The following CERS3 variants were observed in gnomAD, a reference collection of about 807,000 sequenced individuals.
CERS3 encodes the protein LAG1 homolog, ceramide synthase 3.
CERS3 carries 33 observed loss-of-function variants against 50.3 expected under a neutral mutation model. The observed-to-expected ratio is 0.66, with a 90% CI of 0.50 to 0.88. CERS3 has a LOEUF of 0.88. Ranked by LOEUF, CERS3 falls within the 40% of genes least tolerant of loss-of-function variation. The probability of loss-of-function intolerance (pLI) is 0.00; values close to 1 mark genes in which losing one functional copy is unlikely to be tolerated. For missense variants in CERS3, 470 were observed against 460.3 expected, an observed-to-expected ratio of 1.02 and a Z score of -0.19; for synonymous variants, 176 against 155.2, an observed-to-expected ratio of 1.13 and a Z score of -0.99.
intron 5 of CERS3, among the ~76,000 whole-genome samples, chr15:100,483,080 A>C (rs1369947639): frequency 6.6e-6 from 1 of 152,228 alleles, no homozygotes; most frequent in Non-Finnish European, 1.5e-5. Context: ...ACTTGAAAAT[A>C]CTGCCTCAAA....
In CERS3 at chr15:100,543,404, C is replaced by T. The variant is rs1188112599; in HGVS notation, c.-355+1247G>A. ...ATTTCAGGTGATTTAAAAACATTTTCTAATGAGAGTTTTGAAATTGAGGGT... is the reference window on the plus strand; with the variant it reads ...ATTTCAGGTGATTTAAAAACATTTTTTAATGAGAGTTTTGAAATTGAGGGT... On this transcript the variant is annotated intron_variant, in intron 1 of 12. Coordinates refer to the CERS3 transcript ENST00000284382. Among the ~76,000 whole-genome samples the T allele has an allele frequency of 2.6e-5, 4 of 152,182 alleles. No individual in the cohort carries two copies. In the East Asian group the frequency reaches 5.8e-4, roughly 22 times the overall value.
At chr15:100,451,661 C>T (rs973222435) in intron 11 of CERS3, among the ~76,000 whole-genome samples, 3 of 151,988 alleles carry the variant, frequency 2.0e-5, no homozygotes, top group Admixed American at 6.6e-5. Context: ...GAGCCAAGAT[C>T]GTGCCTCTGC....
chr15:100,542,101 A>C lies in CERS3; in HGVS notation c.-355+2550T>G, dbSNP rs146571829. 2.1e-3 allele frequency among the ~76,000 whole-genome samples: 322 copies of C among 152,344 alleles called. 3 individuals carry two copies. The highest frequency in any genetic ancestry group is 7.3e-3 in the African/African-American group (305 of 41,582). On this transcript the variant is annotated intron_variant, in intron 1 of 12. Transcript: ENST00000284382. ...TAGAAAATATAAAACTAATTATTAC[A>C]ATAAGCATTAAGTGCTTCAACCTTT...
upstream of CERS3, among the ~76,000 whole-genome samples, chr15:100,532,513 C>T (rs2036961529): frequency 1.3e-5 from 2 of 152,106 alleles, no homozygotes; most frequent in African/African-American, 4.8e-5. Flanking sequence ...TGCCTGTAAT[C>T]CCAGCACTTT....
chr15:100,535,001 A>C (rs1286100151), intron 1 of CERS3, among the ~76,000 whole-genome samples: 2 of 152,068 alleles, frequency 1.3e-5, no homozygotes, highest in African/African-American at 4.8e-5. Flanking sequence ...GAACCAATGT[A>C]CATCTTACAT....
chr15:100,446,087 A>C (rs1278297461), intron 11 of CERS3, among the ~76,000 whole-genome samples: 1 of 147,036 alleles, frequency 6.8e-6, no homozygotes, highest in Admixed American at 7.0e-5. Context: ...CCCCACCCCT[A>C]TCTCCCTTCA....
intron 11 of CERS3, among the ~76,000 whole-genome samples, chr15:100,437,081 C>G (rs2033448465): frequency 6.6e-6 from 1 of 151,786 alleles, no homozygotes; most frequent in Non-Finnish European, 1.5e-5. Flanking sequence ...GAAGCTGGGA[C>G]TACAGGTGCG....
upstream of CERS3, among the ~76,000 whole-genome samples, chr15:100,532,083 C>T (rs1475767487): frequency 6.6e-6 from 1 of 152,036 alleles, no homozygotes; most frequent in Non-Finnish European, 1.5e-5. Flanking sequence ...CACAGTAAGC[C>T]GGATGCAGGA....
At chr15:100,427,051 G>C (rs1024372504) in intron 11 of CERS3, among the ~76,000 whole-genome samples, 3 of 152,156 alleles carry the variant, frequency 2.0e-5, no homozygotes, top group Admixed American at 2.0e-4. Flanking sequence ...GAGCTGACAC[G>C]GGTTGGCAAG....
At chr15:100,488,034 G>A (rs903170870) in intron 4 of CERS3, among the ~76,000 whole-genome samples, 2 of 152,120 alleles carry the variant, frequency 1.3e-5, no homozygotes, top group Admixed American at 1.3e-4. Context: ...CAGAGTTGTT[G>A]GTCTTACCCC....
chr15:100,429,800 T>C (rs1172673164), intron 11 of CERS3, among the ~76,000 whole-genome samples: 1 of 152,168 alleles, frequency 6.6e-6, no homozygotes, highest in Non-Finnish European at 1.5e-5. Context: ...TATTGTACAA[T>C]ATGTGTAACA....
intron 3 of CERS3, among the ~76,000 whole-genome samples, chr15:100,501,211 G>T (rs2035985966): frequency 1.3e-5 from 2 of 152,110 alleles, no homozygotes. Flanking sequence ...TTTAAAATAA[G>T]CTATACTATA....
At chr15:100,495,367 C>T (rs1021669556) in intron 3 of CERS3, among the ~76,000 whole-genome samples, 5 of 152,202 alleles carry the variant, frequency 3.3e-5, no homozygotes, top group Admixed American at 1.3e-4. Flanking sequence ...CTCCTACATC[C>T]CTGTAAGCCT....
chr15:100,432,139 C>G (rs2033168568), intron 11 of CERS3, among the ~76,000 whole-genome samples: 1 of 151,766 alleles, frequency 6.6e-6, no homozygotes, highest in African/African-American at 2.4e-5. Context: ...GCAATCATGG[C>G]TCACTGAAGC....
intron 8 of CERS3, among the ~76,000 whole-genome samples, chr15:100,474,063 T>C (rs2035050590): frequency 6.6e-6 from 1 of 152,200 alleles, no homozygotes; most frequent in Non-Finnish European, 1.5e-5. Context: ...TCCACTTATA[T>C]AAAATATCCA....
At chr15:100,466,204 C>T (rs193107464) in intron 10 of CERS3, among the ~76,000 whole-genome samples, 2 of 152,248 alleles carry the variant, frequency 1.3e-5, no homozygotes, top group African/African-American at 2.4e-5. Flanking sequence ...CGCACTACCC[C>T]GACAATCACT....
At chr15:100,484,076 GC>G (rs1179462661) in intron 5 of CERS3, among the ~76,000 whole-genome samples, 1 of 151,930 alleles carries the variant, frequency 6.6e-6, no homozygotes, top group Non-Finnish European at 1.5e-5. Flanking sequence ...CATGAGCCAC[GC>G]CACACAGAGA....
intron 11 of CERS3, among the ~76,000 whole-genome samples, chr15:100,419,446 C>T (rs1395929617): frequency 8.7e-5 from 12 of 137,256 alleles, no homozygotes; most frequent in African/African-American, 2.5e-4. Context: ...TCCTGAGTGA[C>T]CTACAAAGAG....
rs867304401 is a variant in CERS3, at chr15:100,502,270, A to G, written c.-1-420T>C. The stretch of plus-strand genomic sequence containing the variant: ...AAAAAAGAAAAAAAAAAAAAAAAAA[A>G]GAAAGAAAGAAAGAAAGAAAATAAG... On this transcript the variant is annotated intron_variant, in intron 2 of 11. Coordinates refer to ENST00000679737, the MANE Select transcript of CERS3 (RefSeq NM_001378789.1). Among the ~76,000 whole-genome samples, 237 of 133,724 alleles carry G rather than the reference A, an allele frequency of 1.8e-3. 1 individual carries two copies. Among genetic ancestry groups the G allele is most frequent in the African/African-American group, 6.4e-3 (228 of 35,574 alleles). 87.7% of individuals were successfully genotyped at this position (133,724 alleles called of 152,430 possible). A position where few individuals can be genotyped will look rare whatever the true frequency, so the allele number is the denominator to read the frequency against.
Sources: gnomAD v4.1 joint callset for allele counts (sites outside exome capture counted in the v4.1 genomes callset) on GRCh38, gnomAD v4.1.1 for gene constraint, MANE v1.5 for transcripts, NCBI Gene and HGNC (gene_info 2026-07-23, HGNC 2026-07-21) for gene names.